PDE4D: variants seen among roughly 807,000 people sequenced by gnomAD.
The protein encoded by PDE4D is 3',5'-cyclic-AMP phosphodiesterase 4D.
In PDE4D, 24 loss-of-function variants were observed where a neutral mutation model predicts 87.4. That is an observed-to-expected ratio of 0.27 (90% CI 0.20 to 0.39). The LOEUF (loss-of-function observed/expected upper bound fraction) is 0.39. Among genes scored for constraint, PDE4D ranks in the 10% least tolerant of loss-of-function variants. PDE4D has a pLI of 1.00. For missense variants in PDE4D, 714 were observed against 1,041.0 expected (o/e 0.69, Z 4.32); for synonymous variants, 384 against 383.2 (o/e 1.00, Z -0.02).
chr5:59,529,695 C>T (rs1353988978), intron 1 of PDE4D, among the ~76,000 whole-genome samples: 1 of 152,110 alleles, frequency 6.6e-6, no homozygotes, highest in Non-Finnish European at 1.5e-5. Flanking sequence ...AATATGTTGA[C>T]CAATTTAAGG....
chr5:59,669,680 G>A (rs56075849), intron 1 of PDE4D, among the ~76,000 whole-genome samples: 1,634 of 152,120 alleles, frequency 0.011, 24 homozygotes, highest in African/African-American at 0.038. Flanking sequence ...AATACTTCAT[G>A]GGAGACCACA....
chr5:59,002,198 G>C (rs572440005), intron 6 of PDE4D: 10 of 348,840 alleles, frequency 2.9e-5, no homozygotes, highest in Admixed American at 4.0e-5. Context: ...ATTTTCCCAG[G>C]TTCACTCTGG....
chr5:59,702,502 C>T (rs925176865), intron 1 of PDE4D, among the ~76,000 whole-genome samples: 12 of 152,050 alleles, frequency 7.9e-5, no homozygotes, highest in African/African-American at 9.7e-5. Flanking sequence ...TTCAGTGAGC[C>T]GTGATCATGC....
intron 1 of PDE4D, among the ~76,000 whole-genome samples, chr5:59,347,395 G>A (rs762282263): frequency 6.6e-6 from 1 of 152,124 alleles, no homozygotes; most frequent in Non-Finnish European, 1.5e-5. Context: ...CTCAAAATCT[G>A]TGTGTCAGAA....
intron 1 of PDE4D, among the ~76,000 whole-genome samples, chr5:59,443,380 C>A (rs1403858888): frequency 2.0e-5 from 3 of 152,170 alleles, no homozygotes; most frequent in Non-Finnish European, 4.4e-5. Context: ...CAAAGGCTTA[C>A]ATAATGTTAC....
chr5:59,778,365 C>A (rs1764282494), intron 1 of PDE4D, among the ~76,000 whole-genome samples: 1 of 152,164 alleles, frequency 6.6e-6, no homozygotes, highest in African/African-American at 2.4e-5. Flanking sequence ...TCTGGGGCTT[C>A]CCAAGAAGTT....
intron 2 of PDE4D, among the ~76,000 whole-genome samples, chr5:60,052,490 C>G (rs777658876): frequency 6.6e-5 from 10 of 152,072 alleles, no homozygotes; most frequent in African/African-American, 9.7e-5. Flanking sequence ...ATTCAACACC[C>G]CTTCATGCTA....
chr5:60,042,823 A>C (rs1407416012), intron 2 of PDE4D, among the ~76,000 whole-genome samples: 1 of 152,198 alleles, frequency 6.6e-6, no homozygotes, highest in African/African-American at 2.4e-5. Context: ...AAGGTAGATA[A>C]ATCCATGAAG....
At chr5:59,058,775 GA>G (rs946985101) in intron 5 of PDE4D, among the ~76,000 whole-genome samples, 305 of 145,322 alleles carry the variant, frequency 2.1e-3, no homozygotes, top group African/African-American at 4.4e-3. Flanking sequence ...CTTGGTGGAA[GA>G]AAAAAAAAAA....
intron 1 of PDE4D, among the ~76,000 whole-genome samples, chr5:59,280,911 A>C (rs2153547518): frequency 6.6e-6 from 1 of 152,154 alleles, no homozygotes; most frequent in Middle Eastern, 3.4e-3. Context: ...TATGCTTCCT[A>C]GCATTCTGGT....
At chr5:60,003,118 T>C (rs932652421) in intron 2 of PDE4D, among the ~76,000 whole-genome samples, 2 of 152,092 alleles carry the variant, frequency 1.3e-5, no homozygotes, top group Non-Finnish European at 2.9e-5. Flanking sequence ...CAATAAACTA[T>C]CTGTAAAATA....
intron 1 of PDE4D, among the ~76,000 whole-genome samples, chr5:59,668,747 AG>A (rs1746497616): frequency 5.5e-5 from 8 of 145,136 alleles, no homozygotes; most frequent in Non-Finnish European, 1.2e-4. Flanking sequence ...AAGAAGAAGA[AG>A]AAGAAGAAAG....
chr5:59,790,053 T>G (rs772129105), intron 1 of PDE4D, among the ~76,000 whole-genome samples: 3 of 152,188 alleles, frequency 2.0e-5, no homozygotes, highest in Admixed American at 2.0e-4. Flanking sequence ...GTCTACTTTA[T>G]GCCAAACCTG....
In PDE4D at chr5:59,676,420, T is replaced by A. The variant is rs542473056; in HGVS notation, c.455+216748A>T. On this transcript the variant is annotated intron_variant, in intron 1 of 14. Coordinates refer to ENST00000340635, the MANE Select transcript of PDE4D (RefSeq NM_001104631.2). Reference sequence around the variant, plus strand: ...CAATAGATATTTATTAACAGCTTTCTCTTATCCAAGCACATGTTTGGGAAC... The same window carrying A: ...CAATAGATATTTATTAACAGCTTTCACTTATCCAAGCACATGTTTGGGAAC... Among the ~76,000 whole-genome samples, 11 of 152,340 alleles carry A rather than the reference T, an allele frequency of 7.2e-5. No homozygotes were observed. The South Asian group carries it at 2.3e-3, about 32-fold the overall frequency.
chr5:59,273,335 G>A (rs1764203435), intron 1 of PDE4D, among the ~76,000 whole-genome samples: 1 of 151,922 alleles, frequency 6.6e-6, no homozygotes, highest in African/African-American at 2.4e-5. Flanking sequence ...ACATGTGTGT[G>A]TGTATGTATG....
intron 1 of PDE4D, among the ~76,000 whole-genome samples, chr5:59,491,967 C>T (rs543953475): frequency 6.6e-6 from 1 of 152,178 alleles, no homozygotes; most frequent in Admixed American, 6.5e-5. Context: ...GCATTCATTC[C>T]CCCAGCAGCT....
chr5:59,416,725 C>T (rs574204283), intron 1 of PDE4D, among the ~76,000 whole-genome samples: 1 of 152,246 alleles, frequency 6.6e-6, no homozygotes, highest in South Asian at 2.1e-4. Flanking sequence ...TATGATTCAT[C>T]ACAGATTCAA....
chr5:60,179,470 T>C (rs1784200489), intron 2 of PDE4D, among the ~76,000 whole-genome samples: 2 of 152,152 alleles, frequency 1.3e-5, no homozygotes, highest in South Asian at 4.1e-4. Flanking sequence ...TTCTGCTTGA[T>C]GATTTGGTTT....
chr5:59,885,547 T>G (rs1750017998), intron 1 of PDE4D, among the ~76,000 whole-genome samples: 1 of 152,172 alleles, frequency 6.6e-6, no homozygotes, highest in Non-Finnish European at 1.5e-5. Context: ...TTAAATTTTG[T>G]GGATAAAAGA....
Sources: gnomAD v4.1 joint callset for allele counts (sites outside exome capture counted in the v4.1 genomes callset) on GRCh38, gnomAD v4.1.1 for gene constraint, MANE v1.5 for transcripts, NCBI Gene and HGNC (gene_info 2026-07-23, HGNC 2026-07-21) for gene names.